Variants in CNTN4 observed in about 807,000 individuals in gnomAD.
The protein encoded by CNTN4 is contactin-4.
CNTN4 carries 77 observed loss-of-function variants against 122.5 expected under a neutral mutation model. The ratio of observed to expected loss-of-function variants is 0.63; its 90% confidence interval spans 0.52 to 0.76. CNTN4 has a LOEUF of 0.76. Among genes scored for constraint, CNTN4 ranks in the 30% least tolerant of loss-of-function variants. The pLI is 0.00. For synonymous variants in CNTN4, 512 were observed against 447.0 expected (o/e 1.15, Z -1.83); for missense variants, 1,256 against 1,259.1 (o/e 1.00, Z 0.04).
At chr3:2,702,160 T>C (rs1381924170) in intron 4 of CNTN4, among the ~76,000 whole-genome samples, 1 of 152,196 alleles carries the variant, frequency 6.6e-6, no homozygotes, top group African/African-American at 2.4e-5. Context: ...TTGACTTACT[T>C]TGAAGATGTG....
At chr3:3,039,905 A>G in intron 19 of CNTN4, 132 bp from the exon 20 acceptor site, 1 of 722,050 alleles carries the variant, frequency 1.4e-6, no homozygotes, top group South Asian at 1.5e-5. Context: ...AATTTAAAAG[A>G]CTGTTAACAA....
At position 2,884,740 on chromosome 3, in the gene CNTN4, T is replaced by G. The variant is rs186339329; in HGVS notation, c.755+1493T>G. 5.3e-5 allele frequency among the ~76,000 whole-genome samples: 8 copies of G among 152,346 alleles called. No homozygotes were observed. The East Asian group carries it at 1.5e-3, about 29-fold the overall frequency. ...TAAGATGACACCTTGAAAAATCATC[T>G]GTGAAAAAGAGCAGAATTCACGTTG... On this transcript the variant is annotated intron_variant, in intron 9 of 24. Coordinates refer to ENST00000418658, the MANE Select transcript of CNTN4 (RefSeq NM_175607.3).
At chr3:2,327,712 C>T (rs968241209) in intron 2 of CNTN4, among the ~76,000 whole-genome samples, 1 of 152,096 alleles carries the variant, frequency 6.6e-6, no homozygotes, top group Non-Finnish European at 1.5e-5. Context: ...TAGTGATCTT[C>T]CTCCAAATGC....
At chr3:3,055,085 GT>G (rs1701662248) in intron 24 of CNTN4, among the ~76,000 whole-genome samples, 1 of 152,288 alleles carries the variant, frequency 6.6e-6, no homozygotes, top group Non-Finnish European at 1.5e-5. Flanking sequence ...TCTGGATGGA[GT>G]TTATATTTAC....
At chr3:2,627,751 C>T (rs921766937) in intron 4 of CNTN4, among the ~76,000 whole-genome samples, 1 of 152,080 alleles carries the variant, frequency 6.6e-6, no homozygotes, top group East Asian at 1.9e-4. Flanking sequence ...CCTCGGCCTC[C>T]CAAAGTGCTG....
At chr3:2,346,881 G>T (rs983953284) in intron 3 of CNTN4, among the ~76,000 whole-genome samples, 5 of 152,096 alleles carry the variant, frequency 3.3e-5, no homozygotes, top group Non-Finnish European at 7.4e-5. Context: ...TCCAGTTGTA[G>T]AAAATTCTCA....
At chr3:2,608,528 C>T (rs1274905338) in intron 4 of CNTN4, among the ~76,000 whole-genome samples, 2 of 152,238 alleles carry the variant, frequency 1.3e-5, no homozygotes, top group African/African-American at 4.8e-5. Flanking sequence ...ACAAAGTCTG[C>T]TGCAGTGATC....
chr3:2,810,760 G>A (rs1489339539), intron 6 of CNTN4, among the ~76,000 whole-genome samples: 2 of 152,210 alleles, frequency 1.3e-5, no homozygotes, highest in African/African-American at 2.4e-5. Context: ...GTGATTAATA[G>A]CAAGGTCATA....
At chr3:2,780,722 G>A (rs1352972367) in intron 6 of CNTN4, among the ~76,000 whole-genome samples, 6 of 152,102 alleles carry the variant, frequency 3.9e-5, no homozygotes, top group South Asian at 2.1e-4. Flanking sequence ...CAGTACATAC[G>A]CATGCCCTTA....
intron 2 of CNTN4, among the ~76,000 whole-genome samples, chr3:2,122,487 T>G (rs2033867571): frequency 6.6e-6 from 1 of 152,210 alleles, no homozygotes; most frequent in Non-Finnish European, 1.5e-5. Flanking sequence ...AGAGTATTTA[T>G]TCCTTTGTAC....
intron 2 of CNTN4, among the ~76,000 whole-genome samples, chr3:2,170,286 C>G (rs529032180): frequency 4.6e-5 from 7 of 151,930 alleles, no homozygotes; most frequent in Non-Finnish European, 1.0e-4. Flanking sequence ...CGCCACCGCA[C>G]TCCAGCCTGG....
intron 2 of CNTN4, among the ~76,000 whole-genome samples, chr3:2,126,440 A>G (rs528915933): frequency 1.3e-5 from 2 of 152,262 alleles, no homozygotes; most frequent in Non-Finnish European, 2.9e-5. Flanking sequence ...TTTCTGAGCA[A>G]TAAGAAGTAG....
At chr3:2,726,867 T>C (rs2088265571) in intron 4 of CNTN4, among the ~76,000 whole-genome samples, 1 of 152,160 alleles carries the variant, frequency 6.6e-6, no homozygotes, top group South Asian at 2.1e-4. Context: ...TTATCGATTG[T>C]AACAAATACA....
intron 3 of CNTN4, among the ~76,000 whole-genome samples, chr3:2,562,144 G>C (rs1434608472): frequency 5.3e-5 from 8 of 152,204 alleles, no homozygotes. Flanking sequence ...ATTGCCTGCT[G>C]TTCTAATAAT....
rs558701022 is a variant in CNTN4, at chr3:2,487,690, G to T, written c.-88-83726G>T. Among the ~76,000 whole-genome samples, 71 of 152,182 alleles carry T rather than the reference G, an allele frequency of 4.7e-4. 1 individual carries two copies. Among genetic ancestry groups the T allele is most frequent in the African/African-American group, 1.7e-3 (70 of 41,510 alleles). ...CTTCAAGAAAGTTTAAAAGCCTTTG[G>T]CTAGATACTACATTGATATTGATCT... On this transcript the variant is annotated intron_variant, in intron 3 of 24. Coordinates refer to ENST00000418658, the MANE Select transcript of CNTN4 (RefSeq NM_175607.3).
chr3:2,275,836 C>T (rs976187827), intron 2 of CNTN4, among the ~76,000 whole-genome samples: 2 of 147,902 alleles, frequency 1.4e-5, no homozygotes, highest in African/African-American at 5.0e-5. Flanking sequence ...AGGAGAATCA[C>T]GTGAACCTGG....
intron 2 of CNTN4, among the ~76,000 whole-genome samples, chr3:2,288,940 A>G (rs919402498): frequency 6.6e-6 from 1 of 152,200 alleles, no homozygotes; most frequent in Non-Finnish European, 1.5e-5. Flanking sequence ...AAGGCATTTT[A>G]TATGAGTATT....
chr3:2,836,201 G>A (rs1406999785), intron 7 of CNTN4, among the ~76,000 whole-genome samples: 1 of 152,128 alleles, frequency 6.6e-6, no homozygotes, highest in African/African-American at 2.4e-5. Context: ...TATTATGGAA[G>A]GAATTGAAAG....
Position 2,802,561 on chromosome 3 carries a change from A to C in CNTN4, c.359-16925A>C, listed in dbSNP as rs912260149. Among the ~76,000 whole-genome samples the C allele has an allele frequency of 1.3e-5, 2 of 152,344 alleles. 1 individual carries two copies. The highest frequency in any genetic ancestry group is 4.1e-4 in the South Asian group (2 of 4,832). ...TCAGACCACGAATTCAATGTCAATG[A>C]GTCAGCATTATGTATTAAATACCAT... On this transcript the variant is annotated intron_variant, in intron 6 of 24. Coordinates refer to ENST00000418658, the MANE Select transcript of CNTN4 (RefSeq NM_175607.3).
Sources: gnomAD v4.1 joint callset for allele counts (sites outside exome capture counted in the v4.1 genomes callset) on GRCh38, gnomAD v4.1.1 for gene constraint, MANE v1.5 for transcripts, NCBI Gene and HGNC (gene_info 2026-07-23, HGNC 2026-07-21) for gene names.